The following TAFA1 variants were observed in gnomAD, a reference collection of about 807,000 sequenced individuals.
TAFA1 encodes TAFA chemokine like family member 1, also known as chemokine-like protein TAFA-1.
A neutral mutation model predicts 18.5 loss-of-function variants in TAFA1; 4 were observed. That is an observed-to-expected ratio of 0.22 (90% CI 0.11 to 0.49). The LOEUF is 0.49. Ranked by LOEUF, TAFA1 falls within the 20% of genes least tolerant of loss-of-function variation. The pLI is 0.98. For synonymous variants in TAFA1, 56 were observed against 55.2 expected (o/e 1.01, Z -0.06); for missense variants, 147 against 169.0 (o/e 0.87, Z 0.72).
intron 3 of TAFA1, among the ~76,000 whole-genome samples, chr3:68,517,399 G>A (rs1323095025): frequency 6.6e-6 from 1 of 152,168 alleles, no homozygotes; most frequent in Non-Finnish European, 1.5e-5. Context: ...TTAGAAGTCA[G>A]ATGGAGCTCT....
intron 2 of TAFA1, among the ~76,000 whole-genome samples, chr3:68,393,614 A>G (rs935895492): frequency 1.3e-5 from 2 of 152,208 alleles, no homozygotes; most frequent in African/African-American, 4.8e-5. Context: ...AAAATCCTCT[A>G]TAATATACTG....
chr3:68,139,546 G>T (rs951024690), intron 2 of TAFA1, among the ~76,000 whole-genome samples: 1 of 152,154 alleles, frequency 6.6e-6, no homozygotes, highest in African/African-American at 2.4e-5. Flanking sequence ...TTTAAAAAAA[G>T]AAGTAAATAT....
chr3:68,357,416 CA>C (rs1362608587), intron 2 of TAFA1, among the ~76,000 whole-genome samples: 3 of 151,704 alleles, frequency 2.0e-5, no homozygotes, highest in African/African-American at 7.3e-5. Flanking sequence ...AGGCGAAAAA[CA>C]CTTGATGTCA....
At chr3:68,298,687 G>C (rs186631625) in intron 2 of TAFA1, among the ~76,000 whole-genome samples, 1 of 152,256 alleles carries the variant, frequency 6.6e-6, no homozygotes, top group African/African-American at 2.4e-5. Context: ...TAAGTGTTAG[G>C]TAGTTCCTCC....
intron 2 of TAFA1, among the ~76,000 whole-genome samples, chr3:68,165,024 A>G (rs1159868096): frequency 6.6e-6 from 1 of 152,244 alleles, no homozygotes; most frequent in African/African-American, 2.4e-5. Flanking sequence ...AGCTGTTCAT[A>G]CATGAACTCT....
At chr3:68,181,846 C>G (rs180922716) in intron 2 of TAFA1, among the ~76,000 whole-genome samples, 3 of 152,276 alleles carry the variant, frequency 2.0e-5, no homozygotes, top group Admixed American at 2.0e-4. Context: ...ATGAAAGAAG[C>G]AGAGCAGAGC....
At chr3:68,119,616 C>T (rs1046612951) in intron 2 of TAFA1, among the ~76,000 whole-genome samples, 1 of 151,804 alleles carries the variant, frequency 6.6e-6, no homozygotes, top group Admixed American at 6.6e-5. Context: ...TTTCTCAACA[C>T]TATTTGTGGA....
At chr3:68,081,962 G>A (rs1188987427) in intron 2 of TAFA1, among the ~76,000 whole-genome samples, 11 of 152,222 alleles carry the variant, frequency 7.2e-5, no homozygotes, top group Admixed American at 2.0e-4. Flanking sequence ...AGCAATCAGT[G>A]AGACTCCATG....
the TAFA1 span, among the ~76,000 whole-genome samples, chr3:67,999,211 T>G: frequency 6.6e-6 from 1 of 152,020 alleles, no homozygotes; most frequent in Non-Finnish European, 1.5e-5. Flanking sequence ...GAGAACATCT[T>G]CCACACTGCC....
chr3:68,025,221 A>C (rs561916752), intron 2 of TAFA1, among the ~76,000 whole-genome samples: 6 of 151,870 alleles, frequency 4.0e-5, no homozygotes, highest in African/African-American at 1.4e-4. Flanking sequence ...CAGATTTTAC[A>C]CTCCATTCTT....
At chr3:68,034,469 C>T (rs570005581) in intron 2 of TAFA1, among the ~76,000 whole-genome samples, 80 of 152,282 alleles carry the variant, frequency 5.3e-4, no homozygotes, top group African/African-American at 1.9e-3. Context: ...ACACACTTAG[C>T]AAGTAAGGGA....
intron 3 of TAFA1, among the ~76,000 whole-genome samples, chr3:68,452,471 C>T (rs2071580346): frequency 2.1e-5 from 3 of 141,068 alleles, no homozygotes; most frequent in South Asian, 4.4e-4. Flanking sequence ...TGCAGTGAGC[C>T]GAGATCACGC....
intron 2 of TAFA1, among the ~76,000 whole-genome samples, chr3:68,096,186 C>T (rs1443538935): frequency 6.6e-6 from 1 of 152,096 alleles, no homozygotes; most frequent in Non-Finnish European, 1.5e-5. Context: ...CAATATTTGT[C>T]TTTCTGTGCC....
intron 2 of TAFA1, among the ~76,000 whole-genome samples, chr3:68,267,097 CACA>C (rs1358215285): frequency 1.3e-5 from 2 of 152,160 alleles, no homozygotes; most frequent in East Asian, 1.9e-4. Context: ...AGTTTCTCCT[CACA>C]ACAAGTCAAG....
chr3:68,264,964 A>C (rs1042095180), intron 2 of TAFA1, among the ~76,000 whole-genome samples: 1 of 152,206 alleles, frequency 6.6e-6, no homozygotes, highest in Non-Finnish European at 1.5e-5. Flanking sequence ...ATCTGCTATA[A>C]TAATATGTCT....
chr3:68,310,007 A>G (rs757449396), intron 2 of TAFA1, among the ~76,000 whole-genome samples: 37 of 152,350 alleles, frequency 2.4e-4, no homozygotes, highest in Non-Finnish European at 4.3e-4. Context: ...GGAAATTTCC[A>G]AAGTTAGTTT....
chr3:68,152,638 G>A (rs1385487386), intron 2 of TAFA1, among the ~76,000 whole-genome samples: 1 of 152,034 alleles, frequency 6.6e-6, no homozygotes, highest in East Asian at 1.9e-4. Flanking sequence ...CTAGATCTAG[G>A]TGCTCAACCA....
chr3:68,386,155 A>T (rs1001930436), intron 2 of TAFA1, among the ~76,000 whole-genome samples: 1 of 152,096 alleles, frequency 6.6e-6, no homozygotes, highest in East Asian at 1.9e-4. Flanking sequence ...CACACCATGA[A>T]TAATATTTTT....
At chr3:68,122,093 G>A (rs765151951) in intron 2 of TAFA1, among the ~76,000 whole-genome samples, 41 of 152,158 alleles carry the variant, frequency 2.7e-4, no homozygotes, top group Non-Finnish European at 4.6e-4. Flanking sequence ...AGAAACAAAT[G>A]GAGGTCTGAA....
Sources: gnomAD v4.1 joint callset for allele counts (sites outside exome capture counted in the v4.1 genomes callset) on GRCh38, gnomAD v4.1.1 for gene constraint, MANE v1.5 for transcripts, NCBI Gene and HGNC (gene_info 2026-07-23, HGNC 2026-07-21) for gene names.